LIPE: variants seen among roughly 807,000 people sequenced by gnomAD.
LIPE encodes the protein lipase E, hormone sensitive type.
Under a neutral mutation model 88.5 loss-of-function variants are expected in LIPE, and 66 were observed. That is an observed-to-expected ratio of 0.75 (90% CI 0.61 to 0.91). The LOEUF is 0.91. Among genes scored for constraint, LIPE ranks in the 40% least tolerant of loss-of-function variants. The pLI, the probability that LIPE is intolerant of heterozygous loss-of-function variation, is 0.00. For missense variants in LIPE, 1,346 were observed against 1,434.7 expected (o/e 0.94, Z 1.00); for synonymous variants, 570 against 617.5 (o/e 0.92, Z 1.14).
intron 1 of LIPE, chr19:42,425,029 T>TCCTCCTTGCTGAGAACACAACCC: frequency 8.3e-6 from 2 of 240,234 alleles, no homozygotes; most frequent in Non-Finnish European, 1.7e-5. Flanking sequence ...CTCTCCCGGC[T>TCCTCCTTGCTGAGAACACAACCC]CCTCCTTGCT....
chr19:42,426,102 T>G (rs1390035983), intron 1 of LIPE, among the ~76,000 whole-genome samples, 165 bp downstream of exon 1: 1 of 108,628 alleles, frequency 9.2e-6, no homozygotes, highest in Non-Finnish European at 1.8e-5. Context: ...GCGCCCAGCC[T>G]TTTTTTTTTT....
intron 1 of LIPE, chr19:42,425,033 C>T: frequency 1.7e-5 from 4 of 239,716 alleles, no homozygotes; most frequent in South Asian, 1.4e-4. Flanking sequence ...CCCGGCTCCT[C>T]CTTGCTGAGA....
At position 42,401,944 on chromosome 19, in the gene LIPE, G is replaced by A. The variant is rs2039986356; in HGVS notation, c.3099C>T (p.Cys1033=). 6.4e-7 allele frequency: 1 copy of A among 1,556,070 alleles called. No homozygotes were observed. Among genetic ancestry groups the A allele is most frequent in the Non-Finnish European group, 8.7e-7 (1 of 1,155,002 alleles). The part of the protein sequence containing the change: ...PHGFLTLAAL[C]RETRQAAELC... ...GCTCTGCGGCCTGGCGCGTCTCGCG[G>A]CACAGCGCCGCTAGGGTCAGGAAGC... The change falls in exon 10 of 10, where the codon TGC becomes TGT. Residue 1033 remains cysteine, a synonymous_variant. Coordinates refer to ENST00000244289, the MANE Select transcript of LIPE (RefSeq NM_005357.4).
At chr19:42,411,291 C>T (rs373285118) in intron 1 of LIPE, 28 of 984,758 alleles carry the variant, frequency 2.8e-5, no homozygotes, top group Middle Eastern at 5.2e-4. Flanking sequence ...AGGAGGCTGC[C>T]GGTCCTTCTT....
chr19:42,403,922 G>A (rs34147019), intron 8 of LIPE, among the ~76,000 whole-genome samples: 4,804 of 152,170 alleles, frequency 0.032, 230 homozygotes, highest in African/African-American at 0.11. Flanking sequence ...CCGTTCACGT[G>A]ACCAGGCAAG....
rs2040711068 is a variant in LIPE at position 42,426,553 on chromosome 19, T to TC, written c.596dup (p.Ser200IlefsTer28). On this transcript the variant is annotated frameshift_variant, in exon 1 of 10. Transcript: ENST00000244289. LOFTEE classifies it high-confidence loss of function. ...TTAGAAATCCCAGCTCTGTCAAAGA[T>TC]CCCTGCTTGGATTTGGCTCCCTGGA... is the stretch of plus-strand genomic sequence containing the variant. 1 of 1,614,096 alleles carries TC rather than the reference T, an allele frequency of 6.2e-7. No homozygotes were observed. Among genetic ancestry groups the TC allele is most frequent in the Non-Finnish European group, 8.5e-7 (1 of 1,180,046 alleles).
intron 1 of LIPE, chr19:42,424,444 G>A (rs2040669700): frequency 2.2e-6 from 1 of 456,126 alleles, no homozygotes; most frequent in Non-Finnish European, 4.4e-6. Context: ...GTGGTGTGGG[G>A]CGGGCATCCC....
In LIPE at chr19:42,410,939, C is replaced by T. The variant is rs2040358178; in HGVS notation, c.884-97G>A. 12 of 1,204,178 alleles carry T rather than the reference C, an allele frequency of 1.0e-5. No individual in the cohort carries two copies. In the South Asian group the frequency reaches 1.5e-4, roughly 15 times the overall value. 74.6% of individuals were successfully genotyped at this position (1,204,178 alleles called of 1,614,324 possible). A position where few individuals can be genotyped will look rare whatever the true frequency, so the allele number is the denominator to read the frequency against. On this transcript the variant is annotated intron_variant, in intron 1 of 9. Transcript: ENST00000244289. This position sits in a 1 kb window ranked among gnomAD's most constrained non-coding sequence, Gnocchi z 6.1. ...GGCCATAGCTTACCCACTCCTCCTTCAAACCTCAGTGCTGTCTTCTTTCAG... is the reference window on the plus strand; with the variant it reads ...GGCCATAGCTTACCCACTCCTCCTTTAAACCTCAGTGCTGTCTTCTTTCAG...
chr19:42,415,758 C>T (rs895770689), intron 1 of LIPE, among the ~76,000 whole-genome samples: 5 of 150,876 alleles, frequency 3.3e-5, no homozygotes, highest in East Asian at 3.9e-4. Context: ...TGTAGTGAGC[C>T]GAGATCGCGC....
rs34023098 is a variant in LIPE, at chr19:42,408,824, TAAA to T, written c.1420-505_1420-503del. Among the ~76,000 whole-genome samples the T allele has an allele frequency of 7.3e-6, 1 of 136,842 alleles. No individual in the cohort carries two copies. The highest frequency in any genetic ancestry group is 1.6e-5 in the Non-Finnish European group (1 of 63,190). 89.8% of individuals were successfully genotyped at this position (136,842 alleles called of 152,430 possible). ...GGGCGACAGAGCGAGACTCTGTCTC[TAAA>T]AAAAAAAAAAGGTGAGCTCATGCTT... is the stretch of plus-strand genomic sequence containing the variant. On this transcript the variant is annotated intron_variant, in intron 2 of 9. Transcript: ENST00000244289. The surrounding 1 kb of genome is among the most constrained non-coding windows in gnomAD (Gnocchi z 4.3).
chr19:42,401,630 C>T lies in LIPE; in HGVS notation c.*182G>A, dbSNP rs34462078. 0.016 allele frequency: 9,261 copies of T among 563,792 alleles called. 145 individuals are homozygous for T. The highest frequency in any genetic ancestry group is 0.02 in the Non-Finnish European group (6,519 of 332,208). 34.9% of individuals were successfully genotyped at this position (563,792 alleles called of 1,614,324 possible). A position where few individuals can be genotyped will look rare whatever the true frequency, so the allele number is the denominator to read the frequency against. ...AAAAGGCAGCGGTGGCGTGCAGGTC[C>T]AGCCGTCTCGGTGACCGGTGTGTGT... is the stretch of plus-strand genomic sequence containing the variant. On this transcript the variant is annotated 3_prime_UTR_variant, in exon 10 of 10. Transcript: ENST00000244289.
At chr19:42,403,482 C>T (rs2040066333) in intron 8 of LIPE, among the ~76,000 whole-genome samples, 1 of 150,516 alleles carries the variant, frequency 6.6e-6, no homozygotes, top group Non-Finnish European at 1.5e-5. Context: ...AAGTCTCGCT[C>T]TGTCACCCAG....
Position 42,427,334 on chromosome 19 carries a change from GC to G in LIPE, c.-186del. ...GCTGGCAGTTGGCCGATCACAGCTG[GC>G]CCCCACTAAGTAATGAACTCTGTGC... On this transcript the variant is annotated 5_prime_UTR_variant, in exon 1 of 10. Coordinates refer to ENST00000244289, the MANE Select transcript of LIPE (RefSeq NM_005357.4). 1.7e-6 allele frequency: 2 copies of G among 1,144,452 alleles called. No homozygotes were observed. The highest frequency in any genetic ancestry group is 2.3e-6 in the Non-Finnish European group (2 of 851,784). 70.9% of individuals were successfully genotyped at this position (1,144,452 alleles called of 1,614,324 possible).
intron 8 of LIPE, among the ~76,000 whole-genome samples, chr19:42,405,104 G>C (rs1568596887): frequency 6.6e-6 from 1 of 152,128 alleles, no homozygotes; most frequent in Non-Finnish European, 1.5e-5. Flanking sequence ...CTGACCTCAA[G>C]TGATCTGCCC....
rs1345044226 is a variant in LIPE at position 42,426,687 on chromosome 19, A to C, written c.463T>G (p.Ser155Ala). 6.2e-7 allele frequency: 1 copy of C among 1,614,004 alleles called. No homozygotes were observed. Among genetic ancestry groups the C allele is most frequent in the African/African-American group, 1.3e-5 (1 of 74,902 alleles). The change falls in exon 1 of 10, where the codon TCA becomes GCA. Residue 155 changes from serine (S) to alanine (A), a missense_variant. Coordinates refer to ENST00000244289, the MANE Select transcript of LIPE (RefSeq NM_005357.4). ...EPPPAQQEAE[S>A]TPAAQAKPGA... ...GGTTTAGCCTGGGCCGCAGGTGTTG[A>C]TTCAGCTTCTTGTTGAGCTGGAGGT...
intron 1 of LIPE, among the ~76,000 whole-genome samples, chr19:42,421,097 C>T (rs779469804): frequency 7.2e-5 from 11 of 152,108 alleles, no homozygotes; most frequent in Non-Finnish European, 1.3e-4. Context: ...CGGGGTCTCG[C>T]TATGTTGCCC....
intron 1 of LIPE, chr19:42,423,656 C>T (rs1223294765): frequency 4.3e-6 from 5 of 1,166,680 alleles, no homozygotes; most frequent in South Asian, 1.6e-5. Flanking sequence ...GCTTGCTCTT[C>T]TCTGGGTCCA....
intron 1 of LIPE, among the ~76,000 whole-genome samples, chr19:42,419,240 T>C (rs1195349028): frequency 6.6e-6 from 1 of 152,046 alleles, no homozygotes. Context: ...ATCACACCAT[T>C]GCACTCCAGC....
chr19:42,403,554 T>A (rs1031370627), intron 8 of LIPE, among the ~76,000 whole-genome samples: 2 of 151,678 alleles, frequency 1.3e-5, no homozygotes, highest in African/African-American at 4.8e-5. Flanking sequence ...TTCAAGTGAT[T>A]CTCGTGCCTC....
Sources: gnomAD v4.1 joint callset for allele counts (sites outside exome capture counted in the v4.1 genomes callset) on GRCh38, gnomAD v4.1.1 for gene constraint, Gnocchi (gnomAD v3.1) non-coding constraint, MANE v1.5 for transcripts, NCBI Gene and HGNC (gene_info 2026-07-23, HGNC 2026-07-21) for gene names.